The following KIAA1328 variants were observed in gnomAD, a reference collection of about 807,000 sequenced individuals.
KIAA1328 encodes protein hinderin.
In KIAA1328, 52 loss-of-function variants were observed where a neutral mutation model predicts 68.1. The observed-to-expected ratio is 0.76, with a 90% confidence interval of 0.61 to 0.96. The LOEUF is 0.96. Ranked by LOEUF, KIAA1328 falls within the 40% of genes least tolerant of loss-of-function variation. KIAA1328 has a pLI of 0.00. For synonymous variants in KIAA1328, 232 were observed against 239.4 expected, an observed-to-expected ratio of 0.97 and a Z score of 0.28; for missense variants, 641 against 677.6, an observed-to-expected ratio of 0.95 and a Z score of 0.60.
intron 9 of KIAA1328, among the ~76,000 whole-genome samples, chr18:37,182,479 G>A (rs1053238242): frequency 1.3e-5 from 2 of 152,138 alleles, no homozygotes; most frequent in Admixed American, 6.6e-5. Context: ...ATGTCATGAT[G>A]ATTAAGTAGG....
chr18:37,099,272 G>T (rs1284050451), intron 7 of KIAA1328, among the ~76,000 whole-genome samples: 1 of 152,180 alleles, frequency 6.6e-6, no homozygotes, highest in Non-Finnish European at 1.5e-5. Flanking sequence ...CTGGTACGTT[G>T]TGTCTTTGTT....
At chr18:37,023,109 T>C (rs1048381922) in intron 6 of KIAA1328, among the ~76,000 whole-genome samples, 1 of 152,208 alleles carries the variant, frequency 6.6e-6, no homozygotes, top group Non-Finnish European at 1.5e-5. Context: ...TGGCTCACTG[T>C]AGCTTCAACT....
intron 7 of KIAA1328, among the ~76,000 whole-genome samples, chr18:37,138,948 CTTTTTTTTTTTT>C (rs869053490): frequency 1.3e-5 from 1 of 74,166 alleles, no homozygotes; most frequent in African/African-American, 6.0e-5. Flanking sequence ...AAATTTTGTT[CTTTTTTTTTTTT>C]TTTTTTTTTT....
In KIAA1328 at chr18:36,962,162, G is replaced by T. The variant is rs547628227; in HGVS notation, c.576+2727G>T. On this transcript the variant is annotated intron_variant, in intron 6 of 9. Transcript: ENST00000280020. ...AAAACAACAACAACAAAAACCAGGG[G>T]TTGCAATCCTAGTCTCTGATAAAAC... Among the ~76,000 whole-genome samples the T allele has an allele frequency of 2.0e-5, 3 of 152,194 alleles. No homozygotes were observed. In the East Asian group the frequency reaches 5.8e-4, roughly 29 times the overall value.
Position 37,224,538 on chromosome 18 carries a change from C to A in KIAA1328, c.*2311C>A. ...AATAGGATGTAAATTTGTATATAAT[C>A]TAATGTCTTCATTATTAATTGAATA... On this transcript the variant is annotated 3_prime_UTR_variant, in exon 10 of 10. Transcript: ENST00000280020. 1.0e-6 allele frequency: 1 copy of A among 976,580 alleles called. No individual in the cohort carries two copies. The highest frequency in any genetic ancestry group is 1.2e-6 in the Non-Finnish European group (1 of 821,940). The allele number at this position is 976,580 out of a possible 1,614,324, so 60.5% of individuals were successfully genotyped here.
At position 37,172,986 on chromosome 18, in the gene KIAA1328, A is replaced by C; in HGVS notation, c.1428A>C (p.Gly476=). 1.2e-6 allele frequency: 2 copies of C among 1,612,008 alleles called. No homozygotes were observed. The highest frequency in any genetic ancestry group is 1.7e-6 in the Non-Finnish European group (2 of 1,178,814). ...TTTTTCATATAGGGACAGTGACAGG[A>C]GTTAGAAAAGATGCGTCTACATCTC... ...TCRPQRGTVT[G]VRKDASTSPM... The change falls in exon 9 of 10, where the codon GGA becomes GGC. Residue 476 remains glycine, a synonymous_variant. Coordinates refer to ENST00000280020, the MANE Select transcript of KIAA1328 (RefSeq NM_020776.3).
chr18:36,935,758 G>T (rs2050476529), intron 5 of KIAA1328, among the ~76,000 whole-genome samples: 1 of 152,142 alleles, frequency 6.6e-6, no homozygotes, highest in Non-Finnish European at 1.5e-5. Flanking sequence ...TATATACTGT[G>T]TGTGTGTGTG....
rs953091206 is a variant in KIAA1328, at chr18:36,909,447, T to C, written c.448+23775T>C. On this transcript the variant is annotated intron_variant, in intron 5 of 9. Transcript: ENST00000280020. ...TGGTTTCCAGCTTCATCCATGTCCC[T>C]ACAAAGGACATGAACTCATCCTTTT... Among the ~76,000 whole-genome samples the C allele has an allele frequency of 2.0e-5, 3 of 152,204 alleles. No homozygotes were observed. The East Asian group carries it at 5.8e-4, about 29-fold the overall frequency.
At chr18:36,846,141 T>C (rs2150818008) in intron 4 of KIAA1328, among the ~76,000 whole-genome samples, 1 of 151,742 alleles carries the variant, frequency 6.6e-6, no homozygotes, top group African/African-American at 2.4e-5. Context: ...TTCTTTGCTT[T>C]CTTATTTGCA....
intron 6 of KIAA1328, among the ~76,000 whole-genome samples, chr18:37,051,783 C>T (rs893483849): frequency 1.3e-4 from 20 of 152,056 alleles, no homozygotes; most frequent in Admixed American, 8.5e-4. Flanking sequence ...GTGGCTCCCA[C>T]TGTAATCCCA....
chr18:36,868,810 T>C (rs1200856240), intron 4 of KIAA1328, among the ~76,000 whole-genome samples: 2 of 152,098 alleles, frequency 1.3e-5, no homozygotes, highest in Non-Finnish European at 2.9e-5. Context: ...GATACATTGA[T>C]TTTTCCCAGA....
intron 9 of KIAA1328, among the ~76,000 whole-genome samples, chr18:37,205,061 C>T (rs571228763): frequency 3.3e-5 from 5 of 152,202 alleles, no homozygotes; most frequent in South Asian, 2.1e-4. Flanking sequence ...TTACCAAGGA[C>T]GCACAAGTCA....
In KIAA1328 at chr18:37,173,287, T is replaced by A. The variant is rs147338522; in HGVS notation, c.1523+206T>A. On this transcript the variant is annotated intron_variant, in intron 9 of 9. Transcript: ENST00000280020. Reference sequence around the variant, plus strand: ...CATGCACTTTCTTAGTTGATCATGGTAATGTAAGGGCTTCCATAGAAACCT... The same window carrying A: ...CATGCACTTTCTTAGTTGATCATGGAAATGTAAGGGCTTCCATAGAAACCT... Among the ~76,000 whole-genome samples the A allele has an allele frequency of 2.7e-3, 410 of 152,334 alleles. 1 individual carries two copies. The highest frequency in any genetic ancestry group is 9.5e-3 in the African/African-American group (396 of 41,586).
rs189352963 is a variant in KIAA1328, at chr18:36,871,036, G to A, written c.333-14521G>A. On this transcript the variant is annotated intron_variant, in intron 4 of 9. Coordinates refer to ENST00000280020, the MANE Select transcript of KIAA1328 (RefSeq NM_020776.3). ...CTGGGGCTCACACCTGTATTTTCCCGTCAACATGAGTCTCCTTAGATTTCT... is the reference window on the plus strand; with the variant it reads ...CTGGGGCTCACACCTGTATTTTCCCATCAACATGAGTCTCCTTAGATTTCT... Among the ~76,000 whole-genome samples, 224 of 152,188 alleles carry A rather than the reference G, an allele frequency of 1.5e-3. 1 individual carries two copies. The highest frequency in any genetic ancestry group is 5.0e-3 in the African/African-American group (208 of 41,512).
chr18:37,021,594 T>A (rs1314756708), intron 6 of KIAA1328, among the ~76,000 whole-genome samples: 1 of 152,182 alleles, frequency 6.6e-6, no homozygotes, highest in Non-Finnish European at 1.5e-5. Context: ...TTACAATAGT[T>A]TCTTGAAAGT....
At chr18:37,144,508 G>A (rs2058850603) in intron 7 of KIAA1328, among the ~76,000 whole-genome samples, 2 of 151,660 alleles carry the variant, frequency 1.3e-5, no homozygotes, top group South Asian at 2.1e-4. Flanking sequence ...TCTAATACCA[G>A]CACTGAAATT....
In KIAA1328 at chr18:37,068,522, C is replaced by T. The variant is rs372481430; in HGVS notation, c.1232+977C>T. Among the ~76,000 whole-genome samples the T allele has an allele frequency of 3.9e-5, 6 of 152,272 alleles. No individual in the cohort carries two copies. In the South Asian group the frequency reaches 8.3e-4, roughly 21 times the overall value. On this transcript the variant is annotated intron_variant, in intron 7 of 9. Coordinates refer to ENST00000280020, the MANE Select transcript of KIAA1328 (RefSeq NM_020776.3). ...AATTTTTATTTTACCTCTTCTAATA[C>T]GTGTATAGTGACATTTCATCGCAGT...
At chr18:37,216,771 C>T (rs781037863) in intron 9 of KIAA1328, among the ~76,000 whole-genome samples, 3 of 151,988 alleles carry the variant, frequency 2.0e-5, no homozygotes, top group Non-Finnish European at 2.9e-5. Context: ...GTCTATGTCT[C>T]CTTGTACTCT....
At chr18:37,181,957 G>A (rs1238925122) in intron 9 of KIAA1328, among the ~76,000 whole-genome samples, 1 of 152,142 alleles carries the variant, frequency 6.6e-6, no homozygotes, top group African/African-American at 2.4e-5. Context: ...CCAAGTAGTT[G>A]CAAAAACCCT....
Sources: allele counts gnomAD v4.1 joint callset (sites outside exome capture counted in the v4.1 genomes callset), GRCh38; gene constraint gnomAD v4.1.1; transcripts MANE v1.5; gene names NCBI Gene and HGNC (gene_info 2026-07-23, HGNC 2026-07-21).